ZNF184: variants seen among roughly 807,000 people sequenced by gnomAD.
ZNF184 encodes zinc finger protein 184 (Kruppel-like).
Under a neutral mutation model 54.4 loss-of-function variants are expected in ZNF184, and 16 were observed. The ratio of observed to expected loss-of-function variants is 0.29; its 90% CI spans 0.20 to 0.45. ZNF184 has a LOEUF of 0.45. ZNF184 is among the 20% of genes least tolerant of loss of function. The probability of loss-of-function intolerance (pLI) is 1.00; values close to 1 mark genes in which losing one functional copy is unlikely to be tolerated. For synonymous variants in ZNF184, 254 were observed against 295.3 expected, an observed-to-expected ratio of 0.86 and a Z score of 1.43; for missense variants, 681 against 888.2, an observed-to-expected ratio of 0.77 and a Z score of 2.97.
chr6:27,423,225 T>C, the ZNF184 span, among the ~76,000 whole-genome samples: 10 of 152,320 alleles, frequency 6.6e-5, no homozygotes, highest in East Asian at 1.7e-3. Flanking sequence ...AGAAACCCCG[T>C]GTGAGGTCAT....
chr6:27,458,466 T>C (rs1038750225), intron 3 of ZNF184, among the ~76,000 whole-genome samples: 2 of 151,858 alleles, frequency 1.3e-5, no homozygotes, highest in Non-Finnish European at 1.5e-5. Flanking sequence ...AGTATCTGAA[T>C]AGGCATTTCT....
the ZNF184 span, among the ~76,000 whole-genome samples, chr6:27,435,566 A>T: frequency 0.58 from 88,842 of 152,036 alleles, 26,467 homozygotes; most frequent in Middle Eastern, 0.74. Flanking sequence ...TCTGCACATA[A>T]AATCAAGCCA....
intron 3 of ZNF184, among the ~76,000 whole-genome samples, chr6:27,458,294 G>GA (rs1762911358): frequency 9.7e-5 from 3 of 30,860 alleles, no homozygotes; most frequent in East Asian, 7.0e-4. Flanking sequence ...CTTCTGCACA[G>GA]TAAAAAAAAA....
intron 5 of ZNF184, among the ~76,000 whole-genome samples, chr6:27,454,087 C>T (rs1488126038): frequency 3.9e-5 from 6 of 152,100 alleles, no homozygotes; most frequent in Admixed American, 3.3e-4. Flanking sequence ...AGAAACATAA[C>T]CAGGAAAGTA....
the ZNF184 span, among the ~76,000 whole-genome samples, chr6:27,425,265 A>G: frequency 6.6e-6 from 1 of 152,204 alleles, no homozygotes; most frequent in Non-Finnish European, 1.5e-5. Flanking sequence ...CAGCCCAGAA[A>G]GGGGCTCCCA....
the ZNF184 span, among the ~76,000 whole-genome samples, chr6:27,442,123 G>C: frequency 1.3e-5 from 2 of 152,080 alleles, no homozygotes; most frequent in African/African-American, 4.8e-5. Context: ...TCCTTCATGG[G>C]CCCCGTGCCC....
chr6:27,413,939 T>C, the ZNF184 span, among the ~76,000 whole-genome samples: 2 of 152,188 alleles, frequency 1.3e-5, no homozygotes, highest in Non-Finnish European at 2.9e-5. Context: ...CTTCAGAGCA[T>C]TGGCTTCCTG....
chr6:27,459,305 T>G (rs148189831), intron 3 of ZNF184, among the ~76,000 whole-genome samples: 1,911 of 152,286 alleles, frequency 0.013, 44 homozygotes, highest in African/African-American at 0.043. Context: ...ATTTTATCAT[T>G]ACACATTGTA....
downstream of ZNF184, among the ~76,000 whole-genome samples, chr6:27,447,330 C>T (rs887504176): frequency 2.6e-5 from 4 of 152,028 alleles, no homozygotes; most frequent in African/African-American, 4.8e-5. Context: ...GGGTCAGGGG[C>T]AAAATTCTAT....
downstream of ZNF184, among the ~76,000 whole-genome samples, chr6:27,449,183 A>G (rs1762671343): frequency 6.6e-6 from 1 of 152,234 alleles, no homozygotes; most frequent in Non-Finnish European, 1.5e-5. Flanking sequence ...GTGCCAATCT[A>G]GGACCTAGAG....
At chr6:27,436,785 CTTTG>C in the ZNF184 span, among the ~76,000 whole-genome samples, 1 of 152,190 alleles carries the variant, frequency 6.6e-6, no homozygotes, top group Non-Finnish European at 1.5e-5. Flanking sequence ...AGGAACACTG[CTTTG>C]TTTATTACAA....
chr6:27,465,280 C>G lies in ZNF184; in HGVS notation c.75+2573G>C, dbSNP rs548339455. On this transcript the variant is annotated intron_variant, in intron 3 of 5. Coordinates refer to ENST00000683788, the MANE Select transcript of ZNF184 (RefSeq NM_001318891.2). ...CGGGCGGATCACGAAGTCAGGAGAT[C>G]GAGACCATCCTGGCTAACACAGGGA... 4.5e-4 allele frequency among the ~76,000 whole-genome samples: 68 copies of G among 150,896 alleles called. 1 individual carries two copies. The highest frequency in any genetic ancestry group is 1.6e-3 in the African/African-American group (64 of 41,274).
At chr6:27,409,784 C>T in the ZNF184 span, among the ~76,000 whole-genome samples, 1 of 152,084 alleles carries the variant, frequency 6.6e-6, no homozygotes, top group African/African-American at 2.4e-5. Flanking sequence ...ATAAAGTCTA[C>T]AGTAGTGTAG....
chr6:27,439,097 T>A, the ZNF184 span, among the ~76,000 whole-genome samples: 2 of 152,182 alleles, frequency 1.3e-5, no homozygotes, highest in Admixed American at 6.5e-5. Flanking sequence ...CTATTAGAAA[T>A]GCTGAATCCT....
chr6:27,462,049 A>T (rs1763008547), intron 3 of ZNF184, among the ~76,000 whole-genome samples: 1 of 152,220 alleles, frequency 6.6e-6, no homozygotes, highest in Admixed American at 6.5e-5. Context: ...TTCATGAGGC[A>T]TTGGGTAGAA....
chr6:27,409,355 C>T, the ZNF184 span, among the ~76,000 whole-genome samples: 5,811 of 151,700 alleles, frequency 0.038, 233 homozygotes, highest in African/African-American at 0.1. Flanking sequence ...AAAAATTAGC[C>T]GGGCGTGGTG....
At chr6:27,457,149 T>G in intron 4 of ZNF184, 134 bp downstream of exon 4, 1 of 1,271,408 alleles carries the variant, frequency 7.9e-7, no homozygotes, top group Non-Finnish European at 1.1e-6. Flanking sequence ...CTTGCTAGGA[T>G]GGTAGAAACC....
intron 3 of ZNF184, among the ~76,000 whole-genome samples, chr6:27,464,096 A>G (rs988084730): frequency 6.6e-5 from 10 of 152,302 alleles, no homozygotes; most frequent in African/African-American, 2.4e-4. Flanking sequence ...AAGTCATGAC[A>G]ATCAAAAAAG....
chr6:27,412,005 G>A, the ZNF184 span, among the ~76,000 whole-genome samples: 2 of 152,296 alleles, frequency 1.3e-5, no homozygotes, highest in African/African-American at 2.4e-5. Flanking sequence ...CTCCTGGCCC[G>A]TCACGCCCCC....
Sources: allele counts gnomAD v4.1 joint callset (sites outside exome capture counted in the v4.1 genomes callset), GRCh38; gene constraint gnomAD v4.1.1; transcripts MANE v1.5; gene names NCBI Gene and HGNC (gene_info 2026-07-23, HGNC 2026-07-21).